The following CES1 variants were observed in gnomAD, a reference collection of about 807,000 sequenced individuals.
The protein encoded by CES1 is carboxylesterase 1.
A neutral mutation model predicts 53.0 loss-of-function variants in CES1; 50 were observed. The ratio of observed to expected loss-of-function variants is 0.94; its 90% CI spans 0.75 to 1.19. CES1 has a LOEUF of 1.19. Ranked by LOEUF, CES1 falls within the 50% of genes most tolerant of loss-of-function variation. CES1 has a pLI of 0.00. For synonymous variants in CES1, 202 were observed against 210.1 expected (o/e 0.96, Z 0.33); for missense variants, 534 against 538.0 (o/e 0.99, Z 0.07).
At chr16:55,809,093 C>CAAAAA (rs376932562) in intron 11 of CES1, among the ~76,000 whole-genome samples, 1,378 of 71,758 alleles carry the variant, frequency 0.019, 145 homozygotes, top group East Asian at 0.088. Context: ...GTAGTCCTGG[C>CAAAAA]AAAAAAAAAA....
chr16:55,818,925 G>A (rs2032058731), intron 7 of CES1, among the ~76,000 whole-genome samples: 1 of 152,224 alleles, frequency 6.6e-6, no homozygotes, highest in African/African-American at 2.4e-5. Context: ...CATGAATGGT[G>A]AATGGATTGA....
In CES1 at chr16:55,812,141, T is replaced by C. The variant is rs372605735; in HGVS notation, c.1086+762A>G. Among the ~76,000 whole-genome samples, 461 of 152,364 alleles carry C rather than the reference T, an allele frequency of 3.0e-3. 6 individuals are homozygous for C. Among genetic ancestry groups the C allele is most frequent in the African/African-American group, 0.011 (438 of 41,576 alleles). ...TATTGCAATCATATTACTGAATAAA[T>C]CTGTCCTACTGCTTTAACCAGGGTC... On this transcript the variant is annotated intron_variant, in intron 9 of 13. Coordinates refer to ENST00000360526, the MANE Select transcript of CES1 (RefSeq NM_001025195.2).
chr16:55,822,142 G>C (rs1388667017), intron 4 of CES1, among the ~76,000 whole-genome samples: 1 of 152,246 alleles, frequency 6.6e-6, no homozygotes, highest in Non-Finnish European at 1.5e-5. Flanking sequence ...GGGCCCTGGG[G>C]CCTGGCAAGA....
intron 11 of CES1, among the ~76,000 whole-genome samples, chr16:55,810,081 G>A (rs1352833498): frequency 6.6e-6 from 1 of 152,162 alleles, no homozygotes; most frequent in Non-Finnish European, 1.5e-5. Context: ...TTCCTTGCAA[G>A]AGCCTTCAAC....
At chr16:55,820,289 C>G (rs1159870971) in intron 6 of CES1, 83 bp downstream of exon 6, 3 of 891,924 alleles carry the variant, frequency 3.4e-6, no homozygotes, top group Non-Finnish European at 5.4e-6. Flanking sequence ...CAACCGACCA[C>G]AAGAGAGATC....
intron 7 of CES1, among the ~76,000 whole-genome samples, chr16:55,818,024 G>C (rs559330320): frequency 5.9e-5 from 9 of 152,320 alleles, no homozygotes; most frequent in Non-Finnish European, 1.2e-4. Context: ...CTTAGAGCCT[G>C]AGCCAAGACC....
intron 3 of CES1, among the ~76,000 whole-genome samples, chr16:55,825,541 A>G (rs1293671249): frequency 2.0e-5 from 3 of 152,264 alleles, no homozygotes; most frequent in Non-Finnish European, 2.9e-5. Context: ...ATTTGGCCAA[A>G]GGCAAAAGGA....
In CES1 at chr16:55,816,934, T is replaced by C; in HGVS notation, c.935A>G (p.Asp312Gly). 1 of 1,613,978 alleles carries C rather than the reference T, an allele frequency of 6.2e-7. No individual in the cohort carries two copies. Residue 312 changes from aspartate (D) to glycine (G), a missense_variant, in exon 8 of 14, where the codon GAC becomes GGC. Asp to Gly is a moderately conservative substitution (Grantham distance 94). This residue lies in a region of CES1 where 269 missense variants were observed against 206.6 expected (regional missense o/e 1.30). Transcript: ENST00000360526. ...MKFLSLDLQG[D>G]PRESQPLLGT... ...ACAAAAGGTCCTTACCTCTCTGGGGTCTCCCTGTAAGTCCAGAGATAAGAA... is the reference window on the plus strand; with the variant it reads ...ACAAAAGGTCCTTACCTCTCTGGGGCCTCCCTGTAAGTCCAGAGATAAGAA...
At position 55,832,655 on chromosome 16, in the gene CES1, A is replaced by T. The variant is rs1476592104; in HGVS notation, c.52+349T>A. Among the ~76,000 whole-genome samples, 3 of 152,138 alleles carry T rather than the reference A, an allele frequency of 2.0e-5. No homozygotes were observed. The East Asian group carries it at 5.8e-4, about 29-fold the overall frequency. On this transcript the variant is annotated intron_variant, in intron 1 of 13. Transcript: ENST00000360526. ...CTCTGGCTCCAGAGTCGATGCTCTT[A>T]ATATTATGTTGAGCCGCTCTCCGTG...
At chr16:55,825,175 A>AGAATGAAT (rs3064342) in intron 3 of CES1, among the ~76,000 whole-genome samples, 159 of 150,520 alleles carry the variant, frequency 1.1e-3, no homozygotes, top group East Asian at 4.3e-3. Flanking sequence ...ACACAATAGA[A>AGAATGAAT]GAATGAATGA....
intron 7 of CES1, among the ~76,000 whole-genome samples, chr16:55,818,359 C>T (rs1197867634): frequency 7.9e-5 from 12 of 152,204 alleles, no homozygotes; most frequent in Non-Finnish European, 1.0e-4. Context: ...CCGCAGGTGT[C>T]GGTTCTGGGT....
At chr16:55,813,109 C>G in intron 8 of CES1, 66 bp from the exon 9 acceptor site, 3 of 1,606,526 alleles carry the variant, frequency 1.9e-6, no homozygotes, top group Non-Finnish European at 2.6e-6. Context: ...CCAACTCTGC[C>G]TGTCTGAGGG....
chr16:55,826,482 C>G (rs192839355), intron 2 of CES1, among the ~76,000 whole-genome samples, 187 bp from the exon 3 acceptor site: 11 of 152,144 alleles, frequency 7.2e-5, no homozygotes, highest in African/African-American at 2.4e-4. Flanking sequence ...ACTAAGGTCT[C>G]CTAAGACCAA....
chr16:55,830,277 TG>T (rs1251125545), intron 1 of CES1, among the ~76,000 whole-genome samples: 15 of 152,200 alleles, frequency 9.9e-5, no homozygotes, highest in African/African-American at 3.6e-4. Context: ...CTTTTGTTGT[TG>T]TTGCTAATTA....
intron 5 of CES1, among the ~76,000 whole-genome samples, chr16:55,820,824 A>C (rs1270278350): frequency 1.3e-5 from 2 of 151,532 alleles, no homozygotes; most frequent in Non-Finnish European, 2.9e-5. Flanking sequence ...CCCCTAGCCC[A>C]CTGGACCCCA....
intron 8 of CES1, among the ~76,000 whole-genome samples, chr16:55,816,484 T>C (rs1245732583): frequency 3.3e-5 from 5 of 152,016 alleles, no homozygotes; most frequent in African/African-American, 1.2e-4. Context: ...ATGAGGAGAT[T>C]GGGAGAATAC....
chr16:55,816,974 A>G lies in CES1; in HGVS notation c.907-12T>C. ...AGAGATAAGAATTTCTGTGAAGACA[A>G]AGGCAGAGGATGTGGGTGAGAGGCT... is the stretch of plus-strand genomic sequence containing the variant. On this transcript the variant is annotated splice_polypyrimidine_tract_variant and intron_variant, in intron 7 of 13. Transcript: ENST00000360526. 1 of 1,614,132 alleles carries G rather than the reference A, an allele frequency of 6.2e-7. No individual in the cohort carries two copies. The highest frequency in any genetic ancestry group is 1.7e-5 in the Admixed American group (1 of 60,018).
chr16:55,825,494 T>A (rs527397256), intron 3 of CES1, among the ~76,000 whole-genome samples: 1 of 152,166 alleles, frequency 6.6e-6, no homozygotes, highest in Non-Finnish European at 1.5e-5. Context: ...CCAAGACAAT[T>A]AGGGAGGGAA....
At chr16:55,820,908 G>A (rs758104827) in intron 5 of CES1, among the ~76,000 whole-genome samples, 1 of 152,148 alleles carries the variant, frequency 6.6e-6, no homozygotes, top group Non-Finnish European at 1.5e-5. Flanking sequence ...TTCCCAGCCT[G>A]CTCAGTGTCC....
Sources: allele counts gnomAD v4.1 joint callset (sites outside exome capture counted in the v4.1 genomes callset), GRCh38; gene constraint gnomAD v4.1.1; regional missense constraint gnomAD v4.1.1; transcripts MANE v1.5; gene names NCBI Gene and HGNC (gene_info 2026-07-23, HGNC 2026-07-21).